The following SCLT1 variants were observed in gnomAD, a reference collection of about 807,000 sequenced individuals.
SCLT1 encodes the protein sodium channel-associated protein 1.
Under a neutral mutation model 112.8 loss-of-function variants are expected in SCLT1, and 78 were observed. The observed-to-expected ratio is 0.69, with a 90% CI of 0.58 to 0.83. The LOEUF is 0.83. Ranked by LOEUF, SCLT1 falls within the 40% of genes least tolerant of loss-of-function variation. The pLI is 0.00. For missense variants in SCLT1, 747 were observed against 770.4 expected, an observed-to-expected ratio of 0.97 and a Z score of 0.36; for synonymous variants, 257 against 254.7, an observed-to-expected ratio of 1.01 and a Z score of -0.09.
intron 15 of SCLT1, 47 bp downstream of exon 15, chr4:128,948,449 T>C: frequency 1.3e-6 from 2 of 1,587,826 alleles, no homozygotes; most frequent in Non-Finnish European, 1.7e-6. Flanking sequence ...TAATGTTGCA[T>C]ATTTGCAGTT....
In SCLT1 at chr4:128,999,754, T is replaced by C. The variant is rs1197942378; in HGVS notation, c.467A>G (p.Gln156Arg). The C allele has an allele frequency of 1.2e-6, 2 of 1,603,118 alleles. No individual in the cohort carries two copies. Among genetic ancestry groups the C allele is most frequent in the Non-Finnish European group, 1.7e-6 (2 of 1,173,232 alleles). ...QAVELWQTVSQELDRLHKLYQ... is the reference protein window; with the variant it reads ...QAVELWQTVSRELDRLHKLYQ... ...AAGCTTGTGTAGTCTGTCCAACTCC[T>C]GAGAAACAGTCTGCCAGAGTTCCAC... is the stretch of plus-strand genomic sequence containing the variant. Residue 156 changes from glutamine (Q) to arginine (R), a missense_variant, in exon 7 of 21, where the codon CAG (glutamine) becomes CGG (arginine). Around this residue, in one of 2 missense-constraint regions of SCLT1, gnomAD observed 723 missense variants for 721.3 expected, o/e 1.00. Transcript: ENST00000281142.
chr4:128,904,341 C>T (rs1253939593), intron 18 of SCLT1, among the ~76,000 whole-genome samples: 1 of 151,034 alleles, frequency 6.6e-6, no homozygotes, highest in African/African-American at 2.5e-5. Flanking sequence ...AAATCTTACT[C>T]ATCCTTACAA....
At chr4:129,064,110 C>CT (rs1750253522) in intron 2 of SCLT1, among the ~76,000 whole-genome samples, 1 of 152,168 alleles carries the variant, frequency 6.6e-6, no homozygotes, top group Non-Finnish European at 1.5e-5. Context: ...GTAGATAACA[C>CT]TTATTCTTTT....
At chr4:128,883,838 T>C (rs1382561585), downstream of SCLT1, among the ~76,000 whole-genome samples, 1 of 152,222 alleles carries the variant, frequency 6.6e-6, no homozygotes, top group African/African-American at 2.4e-5. Context: ...TGCCATGCAG[T>C]CTTAGCACCT....
At chr4:129,051,804 G>C (rs867373600) in intron 2 of SCLT1, among the ~76,000 whole-genome samples, 1 of 151,992 alleles carries the variant, frequency 6.6e-6, no homozygotes, top group Admixed American at 6.6e-5. Context: ...GTCACGTGTC[G>C]GTTTTCAAAG....
intron 2 of SCLT1, among the ~76,000 whole-genome samples, chr4:129,059,997 C>T (rs1235743763): frequency 6.6e-6 from 1 of 152,038 alleles, no homozygotes; most frequent in Non-Finnish European, 1.5e-5. Context: ...ATTTTTTTGC[C>T]TAATGGTGTT....
rs1467564856 is a variant in SCLT1, at chr4:129,048,471, A to G, written c.103-4420T>C. On this transcript the variant is annotated intron_variant, in intron 2 of 20. Transcript: ENST00000281142. Reference sequence around the variant, plus strand: ...ATCCCTTCCTTACACCTTATACAAAAATTAACTCAAGATGGATTAAAGACT... The same window carrying G: ...ATCCCTTCCTTACACCTTATACAAAGATTAACTCAAGATGGATTAAAGACT... 8.0e-5 allele frequency among the ~76,000 whole-genome samples: 12 copies of G among 149,482 alleles called. 2 individuals are homozygous for G. The highest frequency in any genetic ancestry group is 2.9e-4 in the African/African-American group (12 of 41,408).
chr4:129,031,368 A>G (rs893414975), intron 5 of SCLT1, among the ~76,000 whole-genome samples: 1 of 152,146 alleles, frequency 6.6e-6, no homozygotes, highest in Non-Finnish European at 1.5e-5. Flanking sequence ...CTGAATGGGC[A>G]AAAGCTGAAA....
chr4:128,889,389 A>C (rs544843418), intron 19 of SCLT1, among the ~76,000 whole-genome samples: 1 of 152,330 alleles, frequency 6.6e-6, no homozygotes, highest in Admixed American at 6.5e-5. Flanking sequence ...AAGGAAAGAC[A>C]AGTTGAAGAC....
At chr4:129,054,099 C>A (rs141549399) in intron 2 of SCLT1, among the ~76,000 whole-genome samples, 1 of 152,156 alleles carries the variant, frequency 6.6e-6, no homozygotes, top group Admixed American at 6.5e-5. Flanking sequence ...TGGCTTCTAG[C>A]GTTTCTGCCA....
chr4:128,925,731 G>A (rs1462834142), intron 18 of SCLT1, among the ~76,000 whole-genome samples: 4 of 152,012 alleles, frequency 2.6e-5, no homozygotes, highest in African/African-American at 9.7e-5. Context: ...GAGGCTCTCT[G>A]TGCATAATTT....
intron 6 of SCLT1, among the ~76,000 whole-genome samples, chr4:129,003,442 AAAAAAG>A (rs1310858213): frequency 6.6e-6 from 1 of 151,586 alleles, no homozygotes; most frequent in Non-Finnish European, 1.5e-5. Context: ...TTAAAAAAAA[AAAAAAG>A]AAAAAGAAAA....
At chr4:129,043,678 G>T (rs765786227) in intron 3 of SCLT1, among the ~76,000 whole-genome samples, 1 of 152,146 alleles carries the variant, frequency 6.6e-6, no homozygotes, top group Non-Finnish European at 1.5e-5. Flanking sequence ...GCTAGACTGT[G>T]CAATGAAGGA....
intron 14 of SCLT1, among the ~76,000 whole-genome samples, chr4:128,951,101 T>C (rs1738695053): frequency 1.3e-5 from 2 of 152,234 alleles, no homozygotes; most frequent in South Asian, 2.1e-4. Flanking sequence ...CTGGACTTCA[T>C]AGTGTAAATA....
At chr4:129,026,011 A>T (rs1746031703) in intron 5 of SCLT1, among the ~76,000 whole-genome samples, 1 of 152,226 alleles carries the variant, frequency 6.6e-6, no homozygotes, top group African/African-American at 2.4e-5. Flanking sequence ...TATCCTAAAT[A>T]TATATGCACC....
intron 2 of SCLT1, among the ~76,000 whole-genome samples, chr4:129,079,168 C>T (rs1751713995): frequency 6.6e-6 from 1 of 152,134 alleles, no homozygotes; most frequent in Non-Finnish European, 1.5e-5. Context: ...TGTCACTCCA[C>T]CCTCGGCCCT....
chr4:128,878,646 A>T (rs562762343), intron 3 of SCLT1, among the ~76,000 whole-genome samples: 1 of 152,192 alleles, frequency 6.6e-6, no homozygotes, highest in East Asian at 1.9e-4. Flanking sequence ...ATTATGCATT[A>T]TATCACTTTA....
intron 14 of SCLT1, among the ~76,000 whole-genome samples, chr4:128,951,206 T>C (rs1249609392): frequency 6.6e-6 from 1 of 152,142 alleles, no homozygotes; most frequent in Non-Finnish European, 1.5e-5. Flanking sequence ...CAGGTTATTA[T>C]GCTTCAAACT....
intron 10 of SCLT1, among the ~76,000 whole-genome samples, chr4:128,967,496 C>G (rs11098994): frequency 0.45 from 69,036 of 152,094 alleles, 18,159 homozygotes; most frequent in African/African-American, 0.74. Flanking sequence ...ATTCCCTTTT[C>G]TCAGCAATAT....
Sources: allele counts gnomAD v4.1 joint callset (sites outside exome capture counted in the v4.1 genomes callset), GRCh38; gene constraint gnomAD v4.1.1; regional missense constraint gnomAD v4.1.1; transcripts MANE v1.5; gene names NCBI Gene and HGNC (gene_info 2026-07-23, HGNC 2026-07-21).